The following AP2B1 variants were observed in gnomAD, a reference collection of about 807,000 sequenced individuals.
The protein encoded by AP2B1 is adaptor related protein complex 2 subunit beta 1.
Under a neutral mutation model 102.0 loss-of-function variants are expected in AP2B1, and 23 were observed. The ratio of observed to expected loss-of-function variants is 0.23; its 90% confidence interval spans 0.16 to 0.32. AP2B1 has a LOEUF of 0.32. Among genes scored for constraint, AP2B1 ranks in the 10% least tolerant of loss-of-function variants. The probability of loss-of-function intolerance (pLI) is 1.00; values close to 1 mark genes in which losing one functional copy is unlikely to be tolerated. For synonymous variants in AP2B1, 381 were observed against 421.2 expected, an observed-to-expected ratio of 0.90 and a Z score of 1.17; for missense variants, 541 against 1,157.4, an observed-to-expected ratio of 0.47 and a Z score of 7.73.
intron 5 of AP2B1, among the ~76,000 whole-genome samples, chr17:35,610,919 A>AAT (rs1403830373): frequency 6.6e-6 from 1 of 150,630 alleles, no homozygotes; most frequent in Non-Finnish European, 1.5e-5. Flanking sequence ...AAAAAAAAAA[A>AAT]AAAAATTTTG....
intron 13 of AP2B1, among the ~76,000 whole-genome samples, chr17:35,652,976 A>G (rs983733412): frequency 6.6e-6 from 1 of 152,176 alleles, no homozygotes; most frequent in African/African-American, 2.4e-5. Context: ...AAGCCTTTTC[A>G]TCATGGCTTC....
chr17:35,656,727 C>T (rs936613201), intron 13 of AP2B1, among the ~76,000 whole-genome samples: 1 of 151,598 alleles, frequency 6.6e-6, no homozygotes, highest in Non-Finnish European at 1.5e-5. Context: ...ACTAAAAATA[C>T]AAAAAAAATT....
At chr17:35,644,273 C>A (rs1019529995) in intron 12 of AP2B1, among the ~76,000 whole-genome samples, 16 of 152,180 alleles carry the variant, frequency 1.1e-4, no homozygotes, top group African/African-American at 3.9e-4. Context: ...TACCTATTCC[C>A]TGCCTGAAGC....
intron 18 of AP2B1, among the ~76,000 whole-genome samples, chr17:35,690,934 A>AG (rs2076028728): frequency 6.6e-6 from 1 of 152,210 alleles, no homozygotes; most frequent in Non-Finnish European, 1.5e-5. Context: ...CTTTATAATT[A>AG]GGAACCTTAG....
chr17:35,682,593 C>G, intron 17 of AP2B1, 102 bp from the exon 18 acceptor site: 11 of 1,240,134 alleles, frequency 8.9e-6, no homozygotes, highest in Non-Finnish European at 1.2e-5. Context: ...ATTCACCCAC[C>G]TCAGCCTCCC....
At chr17:35,638,576 C>T (rs1263277461) in intron 10 of AP2B1, among the ~76,000 whole-genome samples, 1 of 151,996 alleles carries the variant, frequency 6.6e-6, no homozygotes, top group East Asian at 1.9e-4. Flanking sequence ...ATCATGAGGT[C>T]AGGAGATGGA....
At position 35,723,607 on chromosome 17, in the gene AP2B1, T is replaced by G. The variant is rs199761081; in HGVS notation, c.2782-18T>G. On this transcript the variant is annotated intron_variant, in intron 21 of 21. Coordinates refer to ENST00000610402, the MANE Select transcript of AP2B1 (RefSeq NM_001030006.2). The stretch of plus-strand genomic sequence containing the variant: ...CCAACCTCTGTGCTAATCTTCCATC[T>G]CCTTTTTCTCCTAACAGCTGTCACT... 460 of 1,574,164 alleles carry G rather than the reference T, an allele frequency of 2.9e-4. 1 individual carries two copies. The highest frequency in any genetic ancestry group is 1.3e-3 in the Middle Eastern group (8 of 6,006).
rs2075921540 is a variant in AP2B1 at position 35,685,925 on chromosome 17, C to A, written c.2454+3101C>A. On this transcript the variant is annotated intron_variant, in intron 18 of 21. Transcript: ENST00000610402. ...TACAGGCACCTGCCACCACACCCAGCTAATTTTTGTATTTTTAGTAGAGAC... is the reference window on the plus strand; with the variant it reads ...TACAGGCACCTGCCACCACACCCAGATAATTTTTGTATTTTTAGTAGAGAC... 2.0e-5 allele frequency among the ~76,000 whole-genome samples: 3 copies of A among 152,224 alleles called. No homozygotes were observed. In the South Asian group the frequency reaches 6.2e-4, roughly 32 times the overall value.
chr17:35,707,457 C>CTTT (rs35397924), intron 18 of AP2B1, among the ~76,000 whole-genome samples: 25 of 132,372 alleles, frequency 1.9e-4, no homozygotes, highest in Admixed American at 4.6e-4. Context: ...GGCTTCCCCC[C>CTTT]TTTTTTTTTT....
At chr17:35,665,216 T>A (rs2075440777) in intron 14 of AP2B1, among the ~76,000 whole-genome samples, 1 of 141,458 alleles carries the variant, frequency 7.1e-6, no homozygotes, top group Admixed American at 7.5e-5. Context: ...AGCCTTGACC[T>A]CCCTGGGCCC....
intron 18 of AP2B1, among the ~76,000 whole-genome samples, chr17:35,703,041 G>A (rs1040494057): frequency 6.6e-6 from 1 of 152,038 alleles, no homozygotes; most frequent in Non-Finnish European, 1.5e-5. Context: ...GGGAGGCCGA[G>A]GCAGGTGGAT....
chr17:35,634,162 A>G (rs534311685), intron 9 of AP2B1, among the ~76,000 whole-genome samples: 1 of 152,338 alleles, frequency 6.6e-6, no homozygotes, highest in South Asian at 2.1e-4. Context: ...TGCACATTGC[A>G]TTTGAATAAT....
intron 18 of AP2B1, among the ~76,000 whole-genome samples, chr17:35,687,440 T>C (rs1392285091): frequency 6.6e-6 from 1 of 152,160 alleles, no homozygotes; most frequent in African/African-American, 2.4e-5. Flanking sequence ...GTTTTAGATA[T>C]TCCTGTACAT....
intron 5 of AP2B1, among the ~76,000 whole-genome samples, chr17:35,609,472 G>T (rs2073791681): frequency 6.6e-6 from 1 of 151,346 alleles, no homozygotes; most frequent in African/African-American, 2.4e-5. Flanking sequence ...TCAGCCTTTT[G>T]AGTAGCTGGG....
chr17:35,711,663 G>A (rs1555587586), intron 20 of AP2B1, among the ~76,000 whole-genome samples: 1 of 152,142 alleles, frequency 6.6e-6, no homozygotes, highest in East Asian at 1.9e-4. Flanking sequence ...AATAGAGACG[G>A]GGTTTCACCC....
chr17:35,606,587 G>A (rs946161368), intron 4 of AP2B1, among the ~76,000 whole-genome samples: 6 of 151,910 alleles, frequency 3.9e-5, no homozygotes, highest in African/African-American at 1.5e-4. Flanking sequence ...CAAGAAAAAG[G>A]ACTAGTATAA....
chr17:35,659,863 C>G, intron 14 of AP2B1: 8 of 985,238 alleles, frequency 8.1e-6, no homozygotes, highest in Non-Finnish European at 9.6e-6. Flanking sequence ...CTTATTTTTG[C>G]TTTGGATCCG....
chr17:35,650,116 A>C (rs758032455), intron 12 of AP2B1, among the ~76,000 whole-genome samples: 11 of 151,838 alleles, frequency 7.2e-5, no homozygotes, highest in Non-Finnish European at 1.6e-4. Context: ...AGCCCAGCTA[A>C]TTTTTGTATT....
chr17:35,690,748 A>G (rs587676112), intron 18 of AP2B1, among the ~76,000 whole-genome samples: 1 of 152,070 alleles, frequency 6.6e-6, no homozygotes, highest in East Asian at 1.9e-4. Flanking sequence ...TGTTGCTGTT[A>G]TATCTTTTTG....
Sources: allele counts gnomAD v4.1 joint callset (sites outside exome capture counted in the v4.1 genomes callset), GRCh38; gene constraint gnomAD v4.1.1; transcripts MANE v1.5; gene names NCBI Gene and HGNC (gene_info 2026-07-23, HGNC 2026-07-21).